Variants in LEKR1 observed in about 807,000 individuals in gnomAD.
LEKR1 encodes the protein leucine, glutamate and lysine rich 1, also known as protein LEKR1.
Under a neutral mutation model 72.4 loss-of-function variants are expected in LEKR1, and 59 were observed. The ratio of observed to expected loss-of-function variants is 0.82; its 90% CI spans 0.66 to 1.01. LEKR1 has a LOEUF of 1.01. Among genes scored for constraint, LEKR1 ranks in the 50% least tolerant of loss-of-function variants. The pLI is 0.00. For missense variants in LEKR1, 728 were observed against 759.2 expected, an observed-to-expected ratio of 0.96 and a Z score of 0.48; for synonymous variants, 257 against 263.2, an observed-to-expected ratio of 0.98 and a Z score of 0.23.
rs561632671 is a variant in LEKR1, at chr3:156,863,647, T to C, written c.263+10665T>C. On this transcript the variant is annotated intron_variant, in intron 3 of 12. Transcript: ENST00000356539. ...ACTAAAGTATGATCCACAACTCTTATATCCATTTTACAGATGGCTAAGCAA... is the reference window on the plus strand; with the variant it reads ...ACTAAAGTATGATCCACAACTCTTACATCCATTTTACAGATGGCTAAGCAA... Among the ~76,000 whole-genome samples, 11 of 152,254 alleles carry C rather than the reference T, an allele frequency of 7.2e-5. No homozygotes were observed. The South Asian group carries it at 1.2e-3, about 17-fold the overall frequency.
chr3:156,877,342 G>A (rs1161512169), intron 3 of LEKR1, among the ~76,000 whole-genome samples: 1 of 152,036 alleles, frequency 6.6e-6, no homozygotes, highest in Admixed American at 6.6e-5. Context: ...TTCATAGAAT[G>A]ATGTAGGGAG....
intron 6 of LEKR1, among the ~76,000 whole-genome samples, chr3:156,978,552 T>G (rs1729901125): frequency 6.6e-6 from 1 of 152,214 alleles, no homozygotes; most frequent in South Asian, 2.1e-4. Context: ...CATTTGTTCT[T>G]TCTGCTATGG....
At chr3:156,875,251 G>T (rs2108548555) in intron 3 of LEKR1, among the ~76,000 whole-genome samples, 1 of 152,076 alleles carries the variant, frequency 6.6e-6, no homozygotes, top group South Asian at 2.1e-4. Flanking sequence ...GTATCACATT[G>T]TGATTTTGTG....
chr3:156,995,755 C>T (rs952153039), intron 9 of LEKR1, among the ~76,000 whole-genome samples: 1 of 152,168 alleles, frequency 6.6e-6, no homozygotes, highest in African/African-American at 2.4e-5. Flanking sequence ...TCACTTGAAC[C>T]TGGGAGGCAA....
chr3:156,948,378 A>G (rs1726863727), intron 6 of LEKR1, among the ~76,000 whole-genome samples: 1 of 151,118 alleles, frequency 6.6e-6, no homozygotes, highest in African/African-American at 2.4e-5. Context: ...AAATTCTCAT[A>G]TTAATTCTAC....
chr3:156,941,267 T>C (rs1173486077), intron 5 of LEKR1, among the ~76,000 whole-genome samples: 1 of 152,142 alleles, frequency 6.6e-6, no homozygotes, highest in Non-Finnish European at 1.5e-5. Flanking sequence ...GCCAGACCCC[T>C]TGTGCTTATT....
At chr3:156,928,363 G>A (rs371662411) in intron 5 of LEKR1, among the ~76,000 whole-genome samples, 74 of 152,096 alleles carry the variant, frequency 4.9e-4, no homozygotes, top group South Asian at 1.2e-3. Flanking sequence ...TGTCCCTAGT[G>A]GGGGAGCTTT....
At chr3:157,006,423 C>G (rs1732443569) in intron 9 of LEKR1, among the ~76,000 whole-genome samples, 1 of 152,194 alleles carries the variant, frequency 6.6e-6, no homozygotes, top group Non-Finnish European at 1.5e-5. Context: ...AATAGTACAA[C>G]TTATTAGAAA....
At chr3:156,869,598 G>A (rs768496969) in intron 3 of LEKR1, among the ~76,000 whole-genome samples, 13 of 151,210 alleles carry the variant, frequency 8.6e-5, no homozygotes, top group Non-Finnish European at 1.8e-4. Flanking sequence ...TGTATATTGT[G>A]GATATTACTC....
rs189581541 is a variant in LEKR1 at position 156,900,888 on chromosome 3, A to G, written c.264-19687A>G. Among the ~76,000 whole-genome samples, 427 of 152,312 alleles carry G rather than the reference A, an allele frequency of 2.8e-3. 1 individual carries two copies. Among genetic ancestry groups the G allele is most frequent in the African/African-American group, 9.7e-3 (403 of 41,562 alleles). On this transcript the variant is annotated intron_variant, in intron 3 of 12. Transcript: ENST00000356539. ...TTGTTGAATGATTCGGCATTTATAA[A>G]TGTATAATTGGGCATTATTAACGAA...
intron 12 of LEKR1, among the ~76,000 whole-genome samples, chr3:157,039,281 T>C (rs922391504): frequency 2.6e-5 from 4 of 152,218 alleles, no homozygotes; most frequent in African/African-American, 9.7e-5. Flanking sequence ...ATGTTTCCAA[T>C]GTAAACTCTA....
chr3:156,917,303 C>G (rs1576817866), intron 3 of LEKR1, among the ~76,000 whole-genome samples: 1 of 152,114 alleles, frequency 6.6e-6, no homozygotes, highest in East Asian at 1.9e-4. Flanking sequence ...CAGACAGAAA[C>G]AGAAAATTGA....
At chr3:156,887,140 T>C (rs1300894866) in intron 3 of LEKR1, among the ~76,000 whole-genome samples, 1 of 152,262 alleles carries the variant, frequency 6.6e-6, no homozygotes, top group Non-Finnish European at 1.5e-5. Context: ...TTGGGATCTG[T>C]TCCTGGAGAA....
chr3:156,972,429 C>G (rs1262705455), intron 6 of LEKR1, among the ~76,000 whole-genome samples: 1 of 151,910 alleles, frequency 6.6e-6, no homozygotes, highest in East Asian at 1.9e-4. Context: ...ACCAACATGG[C>G]ACATGTATAC....
intron 3 of LEKR1, 50 bp downstream of exon 3, chr3:156,853,032 C>A: frequency 8.2e-7 from 1 of 1,223,416 alleles, no homozygotes; most frequent in Non-Finnish European, 1.1e-6. Context: ...AAGACAGCTA[C>A]AGGAAATAAA....
rs139755249 is a variant in LEKR1, at chr3:156,931,194, G to A, written c.559+3590G>A. ...CCAGTTACATAAAGAATGCCTACAAGTCAATAATAAAAGTATTCAATCAAA... is the reference window on the plus strand; with the variant it reads ...CCAGTTACATAAAGAATGCCTACAAATCAATAATAAAAGTATTCAATCAAA... On this transcript the variant is annotated intron_variant, in intron 5 of 12. Transcript: ENST00000356539. 1.6e-3 allele frequency among the ~76,000 whole-genome samples: 246 copies of A among 152,176 alleles called. 2 individuals carry two copies. In the Middle Eastern group the frequency reaches 0.024, roughly 15 times the overall value.
chr3:156,996,820 T>C (rs1024751939), intron 9 of LEKR1, among the ~76,000 whole-genome samples: 4 of 152,128 alleles, frequency 2.6e-5, no homozygotes, highest in Non-Finnish European at 5.9e-5. Context: ...ATTCCAGCAC[T>C]CTGGGAGGCC....
intron 10 of LEKR1, among the ~76,000 whole-genome samples, chr3:157,014,053 A>G (rs1257676089): frequency 1.3e-5 from 2 of 152,056 alleles, no homozygotes; most frequent in African/African-American, 4.8e-5. Flanking sequence ...AAGTATTACT[A>G]CTTGAAGAAA....
intron 9 of LEKR1, among the ~76,000 whole-genome samples, chr3:157,008,426 T>C (rs888664555): frequency 5.9e-5 from 9 of 152,248 alleles, no homozygotes; most frequent in African/African-American, 1.4e-4. Context: ...GTAGATACAT[T>C]GAAGGTTTGT....
Sources: gnomAD v4.1 joint callset for allele counts (sites outside exome capture counted in the v4.1 genomes callset) on GRCh38, gnomAD v4.1.1 for gene constraint, MANE v1.5 for transcripts, NCBI Gene and HGNC (gene_info 2026-07-23, HGNC 2026-07-21) for gene names.